FOXJ3: variants seen among roughly 807,000 people sequenced by gnomAD.
FOXJ3 encodes the protein forkhead box protein J3.
A neutral mutation model predicts 76.1 loss-of-function variants in FOXJ3; 22 were observed. The observed-to-expected ratio is 0.29, with a 90% CI of 0.21 to 0.41. The LOEUF is 0.41. FOXJ3 is among the 10% of genes least tolerant of loss of function. FOXJ3 has a pLI of 1.00. For synonymous variants in FOXJ3, 269 were observed against 261.2 expected, an observed-to-expected ratio of 1.03 and a Z score of -0.29; for missense variants, 613 against 762.1, an observed-to-expected ratio of 0.80 and a Z score of 2.30.
chr1:42,333,781 A>G (rs755962271), intron 1 of FOXJ3, among the ~76,000 whole-genome samples: 21 of 152,162 alleles, frequency 1.4e-4, no homozygotes, highest in Non-Finnish European at 2.4e-4. Flanking sequence ...TGCAATGGGT[A>G]CTCAACAGAG....
intron 2 of FOXJ3, among the ~76,000 whole-genome samples, chr1:42,307,623 T>C (rs1049038992): frequency 1.3e-5 from 2 of 152,224 alleles, no homozygotes; most frequent in African/African-American, 4.8e-5. Flanking sequence ...ATGATGTTGT[T>C]ACAGTGACTT....
chr1:42,188,693 G>T, intron 11 of FOXJ3, 44 bp downstream of exon 11: 1 of 1,321,640 alleles, frequency 7.6e-7, no homozygotes, highest in Non-Finnish European at 1.0e-6. Flanking sequence ...AATTTCGTAC[G>T]AATGAGAAAA....
chr1:42,317,419 T>C (rs1655177875), intron 1 of FOXJ3, among the ~76,000 whole-genome samples: 1 of 151,372 alleles, frequency 6.6e-6, no homozygotes, highest in African/African-American at 2.4e-5. Flanking sequence ...TAAGAAGTCA[T>C]CTGCTTTCAG....
chr1:42,225,769 G>C (rs533951363), intron 5 of FOXJ3, among the ~76,000 whole-genome samples: 1 of 152,204 alleles, frequency 6.6e-6, no homozygotes, highest in East Asian at 1.9e-4. Context: ...TGTCCAAAAT[G>C]TACATTCAAT....
At chr1:42,189,502 T>C in intron 9 of FOXJ3, 98 bp from the exon 10 acceptor site, 4 of 816,404 alleles carry the variant, frequency 4.9e-6, no homozygotes, top group South Asian at 3.0e-5. Flanking sequence ...AATTGGCTGA[T>C]TCTTGTCCCG....
At chr1:42,222,339 G>GCC in intron 5 of FOXJ3, among the ~76,000 whole-genome samples, 1 of 151,904 alleles carries the variant, frequency 6.6e-6, no homozygotes, top group East Asian at 2.0e-4. Flanking sequence ...CTGCTACATG[G>GCC]CCCCACAGTT....
At chr1:42,239,234 A>T (rs1398607578) in intron 4 of FOXJ3, among the ~76,000 whole-genome samples, 2 of 151,082 alleles carry the variant, frequency 1.3e-5, no homozygotes, top group Non-Finnish European at 2.9e-5. Flanking sequence ...TTCAATCTGG[A>T]TGCCTTTTAT....
chr1:42,208,128 C>G (rs1646895741), intron 5 of FOXJ3, among the ~76,000 whole-genome samples: 1 of 152,174 alleles, frequency 6.6e-6, no homozygotes, highest in African/African-American at 2.4e-5. Context: ...TATGCTACTT[C>G]CTTTAGAGAT....
At chr1:42,319,222 C>CTGTTTTGTTTTGTTTTGTTTTGTTT (rs56158851) in intron 1 of FOXJ3, among the ~76,000 whole-genome samples, 1 of 150,602 alleles carries the variant, frequency 6.6e-6, no homozygotes, top group African/African-American at 2.4e-5. Flanking sequence ...CAGCAAGACC[C>CTGTTTTGTTTTGTTTTGTTTTGTTT]TGTTTTGTTT....
intron 4 of FOXJ3, among the ~76,000 whole-genome samples, chr1:42,254,565 CA>C (rs1390933386): frequency 1.4e-5 from 2 of 147,618 alleles, no homozygotes; most frequent in Non-Finnish European, 3.0e-5. Flanking sequence ...GGAACCAACC[CA>C]AATGTCCAAC....
intron 2 of FOXJ3, among the ~76,000 whole-genome samples, chr1:42,301,201 T>A (rs1185146786): frequency 6.6e-6 from 1 of 151,950 alleles, no homozygotes; most frequent in Non-Finnish European, 1.5e-5. Context: ...CTTTTTCACT[T>A]TTTTTTTCTT....
chr1:42,308,719 T>C (rs769881180), intron 2 of FOXJ3, among the ~76,000 whole-genome samples: 1 of 152,184 alleles, frequency 6.6e-6, no homozygotes, highest in East Asian at 1.9e-4. Context: ...ATTCTGATTC[T>C]AGAATATTGT....
intron 5 of FOXJ3, among the ~76,000 whole-genome samples, chr1:42,210,513 A>G (rs536198121): frequency 6.6e-6 from 1 of 152,184 alleles, no homozygotes; most frequent in East Asian, 1.9e-4. Context: ...AGGGACAATA[A>G]CACCACTCTG....
In FOXJ3 at chr1:42,257,490, T is replaced by C. The variant is rs929689066; in HGVS notation, c.444+7625A>G. On this transcript the variant is annotated intron_variant, in intron 4 of 12. Transcript: ENST00000361346. ...CAGCACTTTGGGAGGCCAACGCGGG[T>C]GGATAATTTGAGGTCAGGAGTTCGA... is the stretch of plus-strand genomic sequence containing the variant. Among the ~76,000 whole-genome samples the C allele has an allele frequency of 3.3e-5, 5 of 151,602 alleles. No homozygotes were observed. In the South Asian group the frequency reaches 8.3e-4, roughly 25 times the overall value.
At chr1:42,216,776 A>C (rs1647078459) in intron 5 of FOXJ3, among the ~76,000 whole-genome samples, 1 of 152,224 alleles carries the variant, frequency 6.6e-6, no homozygotes, top group Non-Finnish European at 1.5e-5. Context: ...TAAATAAATA[A>C]ATAGGAATAG....
chr1:42,180,233 C>T (rs1467921426), intron 12 of FOXJ3, among the ~76,000 whole-genome samples: 1 of 152,184 alleles, frequency 6.6e-6, no homozygotes, highest in Non-Finnish European at 1.5e-5. Flanking sequence ...GATGGCAGTG[C>T]ACCAATGACG....
intron 4 of FOXJ3, among the ~76,000 whole-genome samples, chr1:42,237,205 C>A (rs1648718264): frequency 6.6e-6 from 1 of 151,672 alleles, no homozygotes; most frequent in African/African-American, 2.4e-5. Flanking sequence ...AAAACCCCGT[C>A]TCTACCAAAA....
chr1:42,257,985 C>A (rs1650737079), intron 4 of FOXJ3, among the ~76,000 whole-genome samples: 1 of 151,946 alleles, frequency 6.6e-6, no homozygotes, highest in Non-Finnish European at 1.5e-5. Flanking sequence ...ACAAATAAAC[C>A]AAAAATGCTA....
chr1:42,295,951 T>C (rs533533007), intron 2 of FOXJ3, among the ~76,000 whole-genome samples: 71 of 152,330 alleles, frequency 4.7e-4, no homozygotes, highest in African/African-American at 1.6e-3. Flanking sequence ...TCCACAGAGG[T>C]TGAACATTCC....
Sources: allele counts gnomAD v4.1 joint callset (sites outside exome capture counted in the v4.1 genomes callset), GRCh38; gene constraint gnomAD v4.1.1; transcripts MANE v1.5; gene names NCBI Gene and HGNC (gene_info 2026-07-23, HGNC 2026-07-21).